Variants in PMM2 observed in about 807,000 individuals in gnomAD.
The protein encoded by PMM2 is mannose-6-phosphate isomerase.
In PMM2, 35 loss-of-function variants were observed where a neutral mutation model predicts 33.2. The observed-to-expected ratio is 1.06, with a 90% CI of 0.81 to 1.40. The LOEUF is 1.40. PMM2 is among the 40% of genes most tolerant of loss of function. The pLI is 0.00. For missense variants in PMM2, 386 were observed against 306.0 expected, an observed-to-expected ratio of 1.26 and a Z score of -1.95; for synonymous variants, 153 against 114.7, an observed-to-expected ratio of 1.33 and a Z score of -2.13.
chr16:8,832,238 C>T, intron 7 of PMM2: 2 of 985,370 alleles, frequency 2.0e-6, no homozygotes, highest in Non-Finnish European at 2.4e-6. Flanking sequence ...GAAAGGAAGG[C>T]CTGAGGCAGG....
At position 8,801,825 on chromosome 16, in the gene PMM2, C is replaced by T. The variant is rs61730638; in HGVS notation, c.93C>T (p.Phe31=). The T allele has an allele frequency of 3.7e-4, 590 of 1,610,586 alleles. 4 individuals carry two copies. In the African/African-American group the frequency reaches 6.6e-3, roughly 18 times the overall value. Residue 31 remains phenylalanine, a synonymous_variant, in exon 2 of 8, where the codon TTC becomes TTT. Transcript: ENST00000268261. ...AAATTACCAAAGAAATGGATGACTT[C>T]CTACAAAAATTGAGGCAGAAGATCA... ...RQKITKEMDD[F]LQKLRQKIKI... is the part of the protein sequence containing the mutation.
At chr16:8,811,861 C>T in intron 6 of PMM2, 148 bp downstream of exon 6, 1 of 691,930 alleles carries the variant, frequency 1.4e-6, no homozygotes, top group East Asian at 2.7e-5. Context: ...CAAAAACCAA[C>T]CACTCTCTTT....
chr16:8,834,937 G>T (rs1308935432), intron 7 of PMM2, among the ~76,000 whole-genome samples: 2 of 152,222 alleles, frequency 1.3e-5, no homozygotes, highest in East Asian at 1.9e-4. Context: ...AGGAACAATG[G>T]TAATTGTGGG....
At chr16:8,835,600 A>C (rs553713642) in intron 7 of PMM2, among the ~76,000 whole-genome samples, 73 of 152,158 alleles carry the variant, frequency 4.8e-4, no homozygotes, top group African/African-American at 1.7e-3. Flanking sequence ...GATAGGCAAA[A>C]CAATTTGGTT....
intron 6 of PMM2, among the ~76,000 whole-genome samples, chr16:8,812,107 G>A (rs1282825176): frequency 4.6e-5 from 7 of 152,314 alleles, no homozygotes; most frequent in Admixed American, 3.9e-4. Flanking sequence ...AAACTAGACC[G>A]ATGTTTTGGA....
intron 7 of PMM2, among the ~76,000 whole-genome samples, chr16:8,841,919 G>A (rs4985051): frequency 0.25 from 35,530 of 143,434 alleles, 3,369 homozygotes; most frequent in South Asian, 0.29. Flanking sequence ...GGAAGAAAAT[G>A]GATTTTGGAA....
chr16:8,804,721 G>GT, intron 2 of PMM2, 46 bp from the exon 3 acceptor site: 1 of 1,350,380 alleles, frequency 7.4e-7, no homozygotes. Flanking sequence ...AAAAACACAG[G>GT]TTTTGATTCT....
At chr16:8,806,076 T>G (rs1158661639) in intron 3 of PMM2, among the ~76,000 whole-genome samples, 2 of 152,088 alleles carry the variant, frequency 1.3e-5, no homozygotes, top group Non-Finnish European at 2.9e-5. Context: ...CAATAATGAG[T>G]ACAAAAATCT....
intron 7 of PMM2, among the ~76,000 whole-genome samples, chr16:8,831,733 C>G (rs531792356): frequency 6.6e-6 from 1 of 152,290 alleles, no homozygotes; most frequent in East Asian, 1.9e-4. Context: ...AAATGGGCTG[C>G]GGTGGGGAGA....
Position 8,832,958 on chromosome 16 carries a change from C to G in PMM2, c.640-14766C>G, listed in dbSNP as rs1331216417. ...GCGCCCAAGAGCTGTCTGTTGATGA[C>G]TGGTCTCCCCAGGGCAGCTGTGATG... On this transcript the variant is annotated intron_variant, in intron 7 of 7. Transcript: ENST00000268261. 4 of 939,090 alleles carry G rather than the reference C, an allele frequency of 4.3e-6. No homozygotes were observed. In the African/African-American group the frequency reaches 7.3e-5, roughly 17 times the overall value. 58.2% of individuals were successfully genotyped at this position (939,090 alleles called of 1,614,324 possible).
intron 7 of PMM2, among the ~76,000 whole-genome samples, chr16:8,842,695 T>C (rs1265836448): frequency 1.3e-5 from 2 of 152,240 alleles, no homozygotes; most frequent in Non-Finnish European, 2.9e-5. Flanking sequence ...GATCCTGAAC[T>C]AATCTGTAAG....
chr16:8,835,418 A>G (rs1020476843), intron 7 of PMM2, among the ~76,000 whole-genome samples: 1 of 151,952 alleles, frequency 6.6e-6, no homozygotes, highest in South Asian at 2.1e-4. Context: ...AGCCCAGGTA[A>G]TTTGCTGAGC....
Position 8,847,955 on chromosome 16 carries a change from A to G in PMM2, c.*130A>G. The G allele has an allele frequency of 1.4e-6, 1 of 694,576 alleles. No individual in the cohort carries two copies. Among genetic ancestry groups the G allele is most frequent in the Non-Finnish European group, 2.6e-6 (1 of 388,896 alleles). 43.0% of individuals were successfully genotyped at this position (694,576 alleles called of 1,614,324 possible). A position where few individuals can be genotyped will look rare whatever the true frequency, so the allele number is the denominator to read the frequency against. Reference sequence around the variant, plus strand: ...GCAGGCTCTGCATGCTATGCCAGGCATGTGCAGTCTGGACTTCCACCTCCA... The same window carrying G: ...GCAGGCTCTGCATGCTATGCCAGGCGTGTGCAGTCTGGACTTCCACCTCCA... On this transcript the variant is annotated 3_prime_UTR_variant, in exon 8 of 8. Transcript: ENST00000268261.
intron 4 of PMM2, chr16:8,808,751 G>C (rs915044324): frequency 1.3e-5 from 2 of 152,234 alleles, no homozygotes; most frequent in Admixed American, 6.5e-5. Context: ...CTGATCATTA[G>C]GACCTTTAGC....
intron 7 of PMM2, among the ~76,000 whole-genome samples, chr16:8,817,752 AAAAG>A (rs2060716098): frequency 1.3e-5 from 2 of 152,214 alleles, no homozygotes; most frequent in Non-Finnish European, 2.9e-5. Flanking sequence ...ACGAAGAAGA[AAAAG>A]AAAGTCACCT....
chr16:8,808,394 CTG>C (rs2060658445), intron 4 of PMM2: 1 of 151,940 alleles, frequency 6.6e-6, no homozygotes, highest in African/African-American at 2.4e-5. Context: ...AGGCATAATC[CTG>C]TCCTCAAAGA....
At chr16:8,835,874 T>C (rs182353210) in intron 7 of PMM2, among the ~76,000 whole-genome samples, 2 of 151,552 alleles carry the variant, frequency 1.3e-5, no homozygotes, top group African/African-American at 2.4e-5. Context: ...GGGTTAAGGT[T>C]GGGGGATACA....
chr16:8,817,803 A>G (rs963601782), intron 7 of PMM2, among the ~76,000 whole-genome samples: 2 of 152,162 alleles, frequency 1.3e-5, no homozygotes, highest in African/African-American at 4.8e-5. Context: ...TTCTATGTAT[A>G]TGATCCCAAA....
intron 7 of PMM2, among the ~76,000 whole-genome samples, chr16:8,824,529 A>C (rs1246843727): frequency 1.3e-5 from 2 of 152,246 alleles, no homozygotes; most frequent in Admixed American, 1.3e-4. Flanking sequence ...TTTGTAACAC[A>C]TACTAATAAC....
Sources: allele counts gnomAD v4.1 joint callset (sites outside exome capture counted in the v4.1 genomes callset), GRCh38; gene constraint gnomAD v4.1.1; transcripts MANE v1.5; gene names NCBI Gene and HGNC (gene_info 2026-07-23, HGNC 2026-07-21).